The following NEK11 variants were observed in gnomAD, a reference collection of about 807,000 sequenced individuals.
NEK11 encodes the protein serine/threonine-protein kinase Nek11.
NEK11 carries 72 observed loss-of-function variants against 80.7 expected under a neutral mutation model. That is an observed-to-expected ratio of 0.89 (90% CI 0.74 to 1.08). The LOEUF is 1.08. Ranked by LOEUF, NEK11 falls within the 50% of genes least tolerant of loss-of-function variation. The pLI, the probability that NEK11 is intolerant of heterozygous loss-of-function variation, is 0.00. For missense variants in NEK11, 764 were observed against 763.6 expected (o/e 1.00, Z -0.01); for synonymous variants, 251 against 260.7 (o/e 0.96, Z 0.36).
intron 9 of NEK11, among the ~76,000 whole-genome samples, chr3:131,153,794 C>G (rs1235837120): frequency 6.6e-6 from 1 of 152,014 alleles, no homozygotes; most frequent in Admixed American, 6.5e-5. Context: ...TGAGAGAATC[C>G]AATAACCAAG....
intron 5 of NEK11, among the ~76,000 whole-genome samples, chr3:131,118,202 G>A (rs866176177): frequency 2.0e-5 from 3 of 152,064 alleles, no homozygotes; most frequent in African/African-American, 4.8e-5. Flanking sequence ...GAAGTTTGTC[G>A]AAGGCCTTTT....
intron 16 of NEK11, among the ~76,000 whole-genome samples, chr3:131,264,353 A>G (rs1204970389): frequency 6.6e-6 from 1 of 152,182 alleles, no homozygotes; most frequent in Non-Finnish European, 1.5e-5. Context: ...TAGGTCTAAC[A>G]TTTAAGTCTT....
intron 17 of NEK11, 136 bp downstream of exon 17, chr3:131,273,710 A>C: frequency 1.7e-6 from 1 of 602,978 alleles, no homozygotes; most frequent in Non-Finnish European, 2.9e-6. Context: ...AGCTGTTCCA[A>C]CTTAGAAACT....
At chr3:131,030,067 C>G (rs1023073851) in intron 3 of NEK11, among the ~76,000 whole-genome samples, 189 bp downstream of exon 3, 3 of 152,152 alleles carry the variant, frequency 2.0e-5, no homozygotes, top group Non-Finnish European at 4.4e-5. Context: ...TGGCAAAACC[C>G]TGTCTCTACT....
rs564503557 is a variant in NEK11, at chr3:131,168,370, T to A, written c.1177-460T>A. On this transcript the variant is annotated intron_variant, in intron 12 of 17. Transcript: ENST00000383366. Reference sequence around the variant, plus strand: ...TTTTTTATTTTTATTTATTTATTTTTTTTTGAGACGGAGTCTCGCTCTGTC... The same window carrying A: ...TTTTTTATTTTTATTTATTTATTTTATTTTGAGACGGAGTCTCGCTCTGTC... Among the ~76,000 whole-genome samples, 451 of 151,094 alleles carry A rather than the reference T, an allele frequency of 3.0e-3. 1 individual carries two copies. Among genetic ancestry groups the A allele is most frequent in the Middle Eastern group, 6.8e-3 (2 of 292 alleles).
chr3:131,321,866 A>C (rs1404193269), intron 17 of NEK11, among the ~76,000 whole-genome samples: 2 of 152,196 alleles, frequency 1.3e-5, no homozygotes, highest in Non-Finnish European at 2.9e-5. Flanking sequence ...TGCAGAGAAA[A>C]GCTAAGGTTT....
intron 14 of NEK11, among the ~76,000 whole-genome samples, chr3:131,179,834 A>G (rs1470384100): frequency 6.6e-6 from 1 of 152,188 alleles, no homozygotes; most frequent in African/African-American, 2.4e-5. Context: ...AATGATATAT[A>G]ATATAATGAT....
At chr3:131,314,976 TTA>T (rs1210582146) in intron 17 of NEK11, among the ~76,000 whole-genome samples, 2 of 152,010 alleles carry the variant, frequency 1.3e-5, no homozygotes, top group Admixed American at 6.6e-5. Flanking sequence ...TTATTATATT[TTA>T]TTTCACTTCT....
chr3:131,087,637 A>G (rs190146645), intron 4 of NEK11, among the ~76,000 whole-genome samples: 7 of 152,222 alleles, frequency 4.6e-5, no homozygotes, highest in Non-Finnish European at 1.0e-4. Flanking sequence ...AAATTTCCTC[A>G]TATGTTTCTT....
Position 131,029,886 on chromosome 3 carries a change from A to G in NEK11, c.170+8A>G. The G allele has an allele frequency of 6.2e-7, 1 of 1,613,784 alleles. No individual in the cohort carries two copies. The highest frequency in any genetic ancestry group is 1.6e-4 in the Middle Eastern group (1 of 6,062). ...CAAACGAGGAGAGGAATTGTAAGTAAAAATGCTTCCTATGAATCTTGAGTA... is the reference window on the plus strand; with the variant it reads ...CAAACGAGGAGAGGAATTGTAAGTAGAAATGCTTCCTATGAATCTTGAGTA... On this transcript the variant is annotated splice_region_variant and intron_variant, in intron 3 of 17. Transcript: ENST00000383366.
At chr3:131,217,478 G>A (rs2094880681) in intron 14 of NEK11, among the ~76,000 whole-genome samples, 1 of 152,116 alleles carries the variant, frequency 6.6e-6, no homozygotes, top group Non-Finnish European at 1.5e-5. Context: ...GGCCCTTTAT[G>A]TGTACAGTTA....
At chr3:131,265,406 C>T (rs1025303914) in intron 16 of NEK11, among the ~76,000 whole-genome samples, 8 of 152,094 alleles carry the variant, frequency 5.3e-5, no homozygotes, top group South Asian at 4.2e-4. Context: ...CTTAGTTTAT[C>T]GAGAGTTTTT....
intron 14 of NEK11, among the ~76,000 whole-genome samples, chr3:131,209,130 C>A (rs1330245785): frequency 6.6e-6 from 1 of 152,058 alleles, no homozygotes; most frequent in African/African-American, 2.4e-5. Flanking sequence ...TTATTTTGAG[C>A]TACGTCCCAT....
At chr3:131,212,361 C>T (rs558117267) in intron 14 of NEK11, among the ~76,000 whole-genome samples, 3 of 152,294 alleles carry the variant, frequency 2.0e-5, no homozygotes, top group African/African-American at 7.2e-5. Flanking sequence ...CTGGAAGCTT[C>T]GTCTCAGAGG....
chr3:131,170,500 A>G (rs995542046), intron 13 of NEK11, among the ~76,000 whole-genome samples: 1 of 152,146 alleles, frequency 6.6e-6, no homozygotes, highest in Non-Finnish European at 1.5e-5. Context: ...AGTACCTTCA[A>G]TTGGTACCTT....
intron 14 of NEK11, among the ~76,000 whole-genome samples, chr3:131,222,607 A>G (rs151204574): frequency 9.8e-5 from 15 of 152,354 alleles, no homozygotes; most frequent in African/African-American, 3.6e-4. Flanking sequence ...TGTCTTTAAC[A>G]TACAAAGGTT....
Position 131,273,504 on chromosome 3 carries a change from G to C in NEK11, c.1648G>C (p.Glu550Gln). 6.2e-7 allele frequency: 1 copy of C among 1,614,014 alleles called. No individual in the cohort carries two copies. Among genetic ancestry groups the C allele is most frequent in the Non-Finnish European group, 8.5e-7 (1 of 1,179,896 alleles). ...LDTKTITTMA[E>Q]DMSPGPPIFN... The stretch of plus-strand genomic sequence containing the variant: ...CACAAAGACCATCACCACCATGGCT[G>C]AAGACATGTCCCCAGGACCACCAAT... Residue 550 changes from glutamate to glutamine, a missense_variant, in exon 17 of 18, where the codon GAA becomes CAA. Physicochemically the swap from Glu to Gln is conservative, Grantham distance 29. Transcript: ENST00000383366.
rs778557544 is a variant in NEK11 at position 131,349,740 on chromosome 3, G to C, written c.1902G>C (p.Thr634=). Residue 634 remains threonine, a synonymous_variant, in exon 18 of 18, where the codon ACG becomes ACC. Coordinates refer to ENST00000383366, the MANE Select transcript of NEK11 (RefSeq NM_024800.5). ...ACTTTGAAGAGCAGTTGCTGATCAC[G>C]ATGGGAAAAGAACCTACTCTCCAGA... ...LLYFEEQLLI[T]MGKEPTLQNH... 2.5e-6 allele frequency: 4 copies of C among 1,614,118 alleles called. No individual in the cohort carries two copies. The highest frequency in any genetic ancestry group is 1.1e-5 in the South Asian group (1 of 91,080).
chr3:131,312,687 C>A (rs942965003), intron 17 of NEK11, among the ~76,000 whole-genome samples: 1 of 152,060 alleles, frequency 6.6e-6, no homozygotes. Context: ...TCAAGTTGAT[C>A]CCTACTAATC....
Sources: gnomAD v4.1 joint callset for allele counts (sites outside exome capture counted in the v4.1 genomes callset) on GRCh38, gnomAD v4.1.1 for gene constraint, MANE v1.5 for transcripts, NCBI Gene and HGNC (gene_info 2026-07-23, HGNC 2026-07-21) for gene names.